SAMD3: variants seen among roughly 807,000 people sequenced by gnomAD.
SAMD3 encodes the protein sterile alpha motif domain containing 3, also known as sterile alpha motif domain-containing protein 3.
A neutral mutation model predicts 58.5 loss-of-function variants in SAMD3; 63 were observed. The ratio of observed to expected loss-of-function variants is 1.08; its 90% CI spans 0.88 to 1.33. SAMD3 has a LOEUF of 1.33. Ranked by LOEUF, SAMD3 falls within the 40% of genes most tolerant of loss-of-function variation. SAMD3 has a pLI of 0.00. For missense variants in SAMD3, 604 were observed against 608.4 expected (o/e 0.99, Z 0.08); for synonymous variants, 220 against 210.3 (o/e 1.05, Z -0.40).
chr6:130,156,500 C>T lies in SAMD3; in HGVS notation c.823-1475G>A, dbSNP rs77515831. The stretch of plus-strand genomic sequence containing the variant: ...AACAACTAACTTGAATTTATTATAC[C>T]TCAGAAACTCAAGGGTAGTTTGACA... On this transcript the variant is annotated intron_variant, in intron 8 of 11. Transcript: ENST00000439090. Among the ~76,000 whole-genome samples, 290 of 152,180 alleles carry T rather than the reference C, an allele frequency of 1.9e-3. 2 individuals are homozygous for T. The highest frequency in any genetic ancestry group is 6.9e-3 in the African/African-American group (285 of 41,510).
intron 8 of SAMD3, among the ~76,000 whole-genome samples, chr6:130,163,300 T>C (rs539301809): frequency 3.3e-4 from 51 of 152,362 alleles, no homozygotes; most frequent in African/African-American, 1.1e-3. Context: ...AATTAAAAAC[T>C]ACATATGCAG....
At chr6:130,207,977 T>A (rs1164047268) in intron 5 of SAMD3, among the ~76,000 whole-genome samples, 1 of 152,238 alleles carries the variant, frequency 6.6e-6, no homozygotes, top group African/African-American at 2.4e-5. Context: ...TCCAAGGCTG[T>A]TGCCCTCAGT....
intron 1 of SAMD3, among the ~76,000 whole-genome samples, chr6:130,333,670 T>C (rs936451950): frequency 6.6e-6 from 1 of 152,228 alleles, no homozygotes; most frequent in Non-Finnish European, 1.5e-5. Flanking sequence ...ATATAAAATC[T>C]GATATAAGCT....
chr6:130,232,352 G>A (rs1240240861), intron 2 of SAMD3, among the ~76,000 whole-genome samples: 1 of 152,134 alleles, frequency 6.6e-6, no homozygotes, highest in Non-Finnish European at 1.5e-5. Flanking sequence ...AAGCAGGATC[G>A]AGTTCAGTTA....
intron 2 of SAMD3, among the ~76,000 whole-genome samples, chr6:130,230,737 C>T (rs1796521600): frequency 6.6e-6 from 1 of 152,182 alleles, no homozygotes; most frequent in Non-Finnish European, 1.5e-5. Context: ...TTTAGCTTGG[C>T]ACAGAGTGAT....
At chr6:130,341,488 CTAGT>C (rs1777271775) in intron 1 of SAMD3, among the ~76,000 whole-genome samples, 1 of 152,170 alleles carries the variant, frequency 6.6e-6, no homozygotes. Context: ...GAAGCTTACT[CTAGT>C]TAGTTGAAGC....
At chr6:130,181,027 A>G (rs1368189719) in intron 7 of SAMD3, among the ~76,000 whole-genome samples, 1 of 143,812 alleles carries the variant, frequency 7.0e-6, no homozygotes, top group Admixed American at 7.3e-5. Flanking sequence ...AGCTCACTGC[A>G]ACCTCGGCCT....
At chr6:130,316,761 A>G (rs922204484) in intron 1 of SAMD3, among the ~76,000 whole-genome samples, 1 of 152,186 alleles carries the variant, frequency 6.6e-6, no homozygotes, top group Admixed American at 6.5e-5. Context: ...GGTCTGAGGG[A>G]TCATAATGGG....
At chr6:130,155,165 T>C (rs1471763263) in intron 8 of SAMD3, 140 bp from the exon 9 acceptor site, 5 of 608,104 alleles carry the variant, frequency 8.2e-6, no homozygotes, top group Admixed American at 3.0e-5. Flanking sequence ...GCATAACTAA[T>C]AAATGGACAG....
intron 1 of SAMD3, among the ~76,000 whole-genome samples, 167 bp downstream of exon 1, chr6:130,222,527 G>C (rs1159873347): frequency 6.6e-6 from 1 of 152,186 alleles, no homozygotes; most frequent in East Asian, 1.9e-4. Context: ...GTTACACAAA[G>C]GCTGGGAAAG....
chr6:130,264,470 C>T (rs1774264767), intron 2 of SAMD3, among the ~76,000 whole-genome samples: 2 of 152,164 alleles, frequency 1.3e-5, no homozygotes, highest in South Asian at 4.1e-4. Flanking sequence ...CTTTACTGGG[C>T]ACTCTGCCAA....
rs376993230 is a variant in SAMD3, at chr6:130,222,942, C to T, written c.-316G>A. On this transcript the variant is annotated 5_prime_UTR_variant, in exon 1 of 12. Transcript: ENST00000439090. ...GAGCAGTGGCTGCCCCATTGAAAGACAGCAAGACTGGGAGCCTCACAGTAC... is the reference window on the plus strand; with the variant it reads ...GAGCAGTGGCTGCCCCATTGAAAGATAGCAAGACTGGGAGCCTCACAGTAC... The T allele has an allele frequency of 6.6e-6, 1 of 152,172 alleles. No homozygotes were observed. The highest frequency in any genetic ancestry group is 1.5e-5 in the Non-Finnish European group (1 of 68,038). The allele number at this position is 152,172 out of a possible 1,614,324, so 9.4% of individuals were successfully genotyped here. A position where few individuals can be genotyped will look rare whatever the true frequency, so the allele number is the denominator to read the frequency against.
At chr6:130,263,875 A>G (rs1583023600) in intron 2 of SAMD3, among the ~76,000 whole-genome samples, 2 of 152,270 alleles carry the variant, frequency 1.3e-5, no homozygotes, top group South Asian at 2.1e-4. Flanking sequence ...TAGAGTTTTC[A>G]TGCCATAGTT....
At chr6:130,218,177 G>A (rs761906954) in intron 1 of SAMD3, among the ~76,000 whole-genome samples, 4 of 152,162 alleles carry the variant, frequency 2.6e-5, no homozygotes, top group Non-Finnish European at 4.4e-5. Flanking sequence ...AATTTATTGG[G>A]CAAAAAGGAA....
Position 130,215,303 on chromosome 6 carries a change from CA to C in SAMD3, c.-21-10del. 1 of 1,524,408 alleles carries C rather than the reference CA, an allele frequency of 6.6e-7. No individual in the cohort carries two copies. Among genetic ancestry groups the C allele is most frequent in the Admixed American group, 1.9e-5 (1 of 51,530 alleles). The allele number at this position is 1,524,408 out of a possible 1,614,324, so 94.4% of individuals were successfully genotyped here. A position where few individuals can be genotyped will look rare whatever the true frequency, so the allele number is the denominator to read the frequency against. On this transcript the variant is annotated splice_polypyrimidine_tract_variant and intron_variant, in intron 2 of 11. Transcript: ENST00000439090. ...GTCTCCTGTAAATACACCTGTAGAGCAAAAGGTCAGAGAATTCTCCAGCTTT... is the reference window on the plus strand; with the variant it reads ...GTCTCCTGTAAATACACCTGTAGAGCAAAGGTCAGAGAATTCTCCAGCTTT...
chr6:130,308,373 CT>C (rs1384298854), intron 2 of SAMD3, among the ~76,000 whole-genome samples: 4 of 117,254 alleles, frequency 3.4e-5, no homozygotes, highest in African/African-American at 6.6e-5. Flanking sequence ...CTATTCTATT[CT>C]ATTCTATTCT....
Position 130,220,894 on chromosome 6 carries a change from C to T in SAMD3, c.-68+1800G>A, listed in dbSNP as rs907221882. Among the ~76,000 whole-genome samples the T allele has an allele frequency of 7.2e-5, 11 of 151,924 alleles. No individual in the cohort carries two copies. The East Asian group carries it at 1.9e-3, about 27-fold the overall frequency. ...TTTTTTTGACAGTCTCGCTCTGTTGCCCAGGCTGGAGTGCAGTGGCACGAT... is the reference window on the plus strand; with the variant it reads ...TTTTTTTGACAGTCTCGCTCTGTTGTCCAGGCTGGAGTGCAGTGGCACGAT... On this transcript the variant is annotated intron_variant, in intron 1 of 11. Coordinates refer to ENST00000439090, the MANE Select transcript of SAMD3 (RefSeq NM_001017373.4).
upstream of SAMD3, among the ~76,000 whole-genome samples, chr6:130,223,796 G>C (rs529618985): frequency 3.2e-4 from 49 of 152,262 alleles, no homozygotes; most frequent in Admixed American, 2.5e-3. Flanking sequence ...GCAGCACCTA[G>C]GGTTGAGTGT....
chr6:130,289,461 T>G (rs1263016862), intron 2 of SAMD3, among the ~76,000 whole-genome samples: 1 of 151,004 alleles, frequency 6.6e-6, no homozygotes, highest in East Asian at 2.0e-4. Context: ...AAGCGGCACT[T>G]ATTTATTTGA....
Sources: gnomAD v4.1 joint callset for allele counts (sites outside exome capture counted in the v4.1 genomes callset) on GRCh38, gnomAD v4.1.1 for gene constraint, MANE v1.5 for transcripts, NCBI Gene and HGNC (gene_info 2026-07-23, HGNC 2026-07-21) for gene names.